The following B4GALT3 variants were observed in gnomAD, a reference collection of about 807,000 sequenced individuals.
B4GALT3 encodes beta-1,4-galactosyltransferase 3.
A neutral mutation model predicts 40.7 loss-of-function variants in B4GALT3; 29 were observed. The observed-to-expected ratio is 0.71, with a 90% CI of 0.53 to 0.97. The LOEUF is 0.97. B4GALT3 is among the 50% of genes least tolerant of loss of function. The pLI, the probability that B4GALT3 is intolerant of heterozygous loss-of-function variation, is 0.00. For synonymous variants in B4GALT3, 182 were observed against 203.9 expected, an observed-to-expected ratio of 0.89 and a Z score of 0.92; for missense variants, 390 against 522.3, an observed-to-expected ratio of 0.75 and a Z score of 2.47.
At position 161,174,140 on chromosome 1, in the gene B4GALT3, G is replaced by T. The variant is rs143067582; in HGVS notation, c.490-91C>A. ...ATAAAAGTGAAGGCCGGGCGCGGTGGCTTACGCCTGTAATCCCAGTACTTT... is the reference window on the plus strand; with the variant it reads ...ATAAAAGTGAAGGCCGGGCGCGGTGTCTTACGCCTGTAATCCCAGTACTTT... On this transcript the variant is annotated intron_variant, in intron 4 of 7. Coordinates refer to ENST00000319769, the MANE Select transcript of B4GALT3 (RefSeq NM_003779.4). The T allele has an allele frequency of 6.1e-4, 843 of 1,372,134 alleles. 15 individuals are homozygous for T. In the East Asian group the frequency reaches 0.019, roughly 31 times the overall value. The allele number at this position is 1,372,134 out of a possible 1,614,324, so 85.0% of individuals were successfully genotyped here. A position where few individuals can be genotyped will look rare whatever the true frequency, so the allele number is the denominator to read the frequency against.
In B4GALT3 at chr1:161,174,056, G is replaced by A. The variant is rs769132019; in HGVS notation, c.490-7C>T. 6.2e-7 allele frequency: 1 copy of A among 1,612,330 alleles called. No individual in the cohort carries two copies. The highest frequency in any genetic ancestry group is 1.1e-5 in the South Asian group (1 of 90,874). ...TAAATGTTCCATTTCCAGCCTGGAA[G>A]ATAATGGAGGGGAACCAGACTATGT... On this transcript the variant is annotated splice_region_variant and splice_polypyrimidine_tract_variant and intron_variant, in intron 4 of 7. Coordinates refer to ENST00000319769, the MANE Select transcript of B4GALT3 (RefSeq NM_003779.4).
rs1392092828 is a variant in B4GALT3, at chr1:161,171,837, T to C, written c.1161A>G (p.Thr387=). The C allele has an allele frequency of 1.1e-5, 18 of 1,613,948 alleles. No individual in the cohort carries two copies. Among genetic ancestry groups the C allele is most frequent in the African/African-American group, 2.7e-5 (2 of 74,898 alleles). The change falls in exon 8 of 8, where the codon ACA becomes ACG. Residue 387 remains threonine (T), a synonymous_variant. Transcript: ENST00000319769. ...RPGPLSTANH[T]ALRGSH is the part of the protein sequence containing the mutation. ...GGAGTCAGTGTGAACCTCGGAGGGC[T>C]GTGTGGTTGGCAGTAGATAGAGGCC...
chr1:161,171,623 C>T lies in B4GALT3; in HGVS notation c.*193G>A, dbSNP rs1661456752. 1 of 714,018 alleles carries T rather than the reference C, an allele frequency of 1.4e-6. No homozygotes were observed. Among genetic ancestry groups the T allele is most frequent in the Non-Finnish European group, 2.3e-6 (1 of 439,996 alleles). 44.2% of individuals were successfully genotyped at this position (714,018 alleles called of 1,614,324 possible). On this transcript the variant is annotated 3_prime_UTR_variant, in exon 8 of 8. Transcript: ENST00000319769. The stretch of plus-strand genomic sequence containing the variant: ...CACAGTCATAAGCCCTACAGGAGAC[C>T]CTAGAGAGAGGGACCCCTCAGGTCT...
At chr1:161,176,152 G>A (rs570799484) in intron 2 of B4GALT3, 78 bp from the exon 3 acceptor site, 7 of 1,475,684 alleles carry the variant, frequency 4.7e-6, no homozygotes, top group African/African-American at 1.4e-5. Flanking sequence ...TAGGGTTGAA[G>A]GTGATGCCAG....
At chr1:161,176,701 G>A in intron 1 of B4GALT3, 122 bp from the exon 2 acceptor site, 3 of 640,170 alleles carry the variant, frequency 4.7e-6, no homozygotes, top group Non-Finnish European at 8.1e-6. Context: ...AGGAGGAGCA[G>A]GAGATGGTAG....
intron 6 of B4GALT3, 89 bp from the exon 7 acceptor site, chr1:161,172,420 C>G (rs2101924813): frequency 1.7e-6 from 2 of 1,179,686 alleles, no homozygotes; most frequent in Non-Finnish European, 2.4e-6. Context: ...AAAAAAACAA[C>G]TATTACTTAG....
At chr1:161,173,551 G>A (rs367575811) in intron 6 of B4GALT3, 54 bp downstream of exon 6, 2 of 1,611,476 alleles carry the variant, frequency 1.2e-6, no homozygotes, top group African/African-American at 2.7e-5. Context: ...GGTGGTCTTA[G>A]AGGACAGGGA....
chr1:161,175,901 C>T lies in B4GALT3; in HGVS notation c.160G>A (p.Val54Ile), dbSNP rs143209896. The change falls in exon 3 of 8, where the codon GTC becomes ATC. Residue 54 changes from valine to isoleucine, a missense_variant. By Grantham distance (29) the Val-to-Ile change is conservative (BLOSUM62 3). Transcript: ENST00000319769. ...PTFDYSHPRD[V>I]YSNLSHLPGA... ...GGCAGGTGACTGAGGTTACTGTAGA[C>T]ATCACGAGGGTGAGAATAGTCAAAT... 6.8e-6 allele frequency: 11 copies of T among 1,614,044 alleles called. No homozygotes were observed. In the African/African-American group the frequency reaches 1.5e-4, roughly 22 times the overall value.
rs1663353596 is a variant in B4GALT3 at position 161,175,951 on chromosome 1, A to C, written c.110T>G (p.Leu37Arg). Residue 37 changes from leucine to arginine, a missense_variant, in exon 3 of 8, where the codon CTA (leucine) becomes CGA (arginine). This residue lies in a region of B4GALT3 where 183 missense variants were observed against 223.2 expected (regional missense o/e 0.82). Transcript: ENST00000319769. The stretch of plus-strand genomic sequence containing the variant: ...TGTCGGTCCCTGATCTCGGCCAAAT[A>C]GGGCACTGAGACTTCGGAAGCCCCC... Reference protein sequence around the residue: ...SLGGFRSLSALFGRDQGPTFD... With the variant: ...SLGGFRSLSARFGRDQGPTFD... 6.2e-7 allele frequency: 1 copy of C among 1,614,008 alleles called. No homozygotes were observed. Among genetic ancestry groups the C allele is most frequent in the Non-Finnish European group, 8.5e-7 (1 of 1,180,020 alleles).
chr1:161,173,524 GAAGGGCTATGGTCA>G, intron 6 of B4GALT3, 67 bp downstream of exon 6: 2 of 1,597,394 alleles, frequency 1.3e-6, no homozygotes, highest in Non-Finnish European at 1.7e-6. Flanking sequence ...GGTTAGTGTT[GAAGGGCTATGGTCA>G]AAGGTGGTCT....
intron 4 of B4GALT3, 81 bp from the exon 5 acceptor site, chr1:161,174,130 G>T: frequency 6.8e-7 from 1 of 1,460,142 alleles, no homozygotes; most frequent in Non-Finnish European, 9.3e-7. Context: ...AGTGAAGGCC[G>T]GGCGCGGTGG....
Position 161,175,004 on chromosome 1 carries a change from C to T in B4GALT3, c.478G>A (p.Val160Ile). The T allele has an allele frequency of 6.2e-7, 1 of 1,613,558 alleles. No homozygotes were observed. Among genetic ancestry groups the T allele is most frequent in the South Asian group, 1.1e-5 (1 of 91,042 alleles). Residue 160 changes from valine (V) to isoleucine (I), a missense_variant, in exon 4 of 8, where the codon GTC becomes ATC. Transcript: ENST00000319769. ...QRQQLAYGIY[V>I]IHQAGNGTFN... is the part of the protein sequence containing the mutation. Reference sequence around the variant, plus strand: ...GAGATTGGGGGTACCTGGTGGATGACATAGATGCCATAAGCAAGCTGCTGG... The same window carrying T: ...GAGATTGGGGGTACCTGGTGGATGATATAGATGCCATAAGCAAGCTGCTGG...
chr1:161,171,696 C>G lies in B4GALT3; in HGVS notation c.*120G>C. 3 of 1,418,600 alleles carry G rather than the reference C, an allele frequency of 2.1e-6. No homozygotes were observed. In the Admixed American group the frequency reaches 5.9e-5, roughly 28 times the overall value. 87.9% of individuals were successfully genotyped at this position (1,418,600 alleles called of 1,614,324 possible). A position where few individuals can be genotyped will look rare whatever the true frequency, so the allele number is the denominator to read the frequency against. ...GCAGTGAGGGAGAGGCCCCTACCCC[C>G]TAGCACGGCACCAGAGTTCAGTTCC... is the stretch of plus-strand genomic sequence containing the variant. On this transcript the variant is annotated 3_prime_UTR_variant, in exon 8 of 8. Transcript: ENST00000319769.
rs143618194 is a variant in B4GALT3, at chr1:161,171,846, GGCAGTA to G, written c.1146_1151del (p.Thr383_Ala384del). On this transcript the variant is annotated inframe_deletion, in exon 8 of 8. Transcript: ENST00000319769. ...GTGAACCTCGGAGGGCTGTGTGGTTGGCAGTAGATAGAGGCCCAGGCCTGGCTGGGG... is the reference window on the plus strand; with the variant it reads ...GTGAACCTCGGAGGGCTGTGTGGTTGGATAGAGGCCCAGGCCTGGCTGGGG... 61 of 1,614,182 alleles carry G rather than the reference GGCAGTA, an allele frequency of 3.8e-5. No homozygotes were observed. The East Asian group carries it at 1.3e-3, about 34-fold the overall frequency.
At chr1:161,176,641 G>A in intron 1 of B4GALT3, 62 bp from the exon 2 acceptor site, 1 of 586,522 alleles carries the variant, frequency 1.7e-6, no homozygotes. Context: ...GGATCAGGGT[G>A]AAGCTGGTTT....
At chr1:161,175,412 G>A (rs1049291468) in intron 3 of B4GALT3, among the ~76,000 whole-genome samples, 184 bp from the exon 4 acceptor site, 1 of 152,192 alleles carries the variant, frequency 6.6e-6, no homozygotes, top group South Asian at 2.1e-4. Context: ...GCTGGAAGGT[G>A]CAGGATCCTT....
At chr1:161,177,273 G>A (rs1236254964) in intron 1 of B4GALT3, 150 bp downstream of exon 1, 3 of 591,676 alleles carry the variant, frequency 5.1e-6, no homozygotes, top group East Asian at 2.8e-5. Flanking sequence ...TACTAGCAAC[G>A]TGAGCCCGCC....
At chr1:161,176,868 G>A (rs1663745426) in intron 1 of B4GALT3, 11 of 1,536,000 alleles carry the variant, frequency 7.2e-6, no homozygotes, top group Non-Finnish European at 9.6e-6. Flanking sequence ...CAGTTGAAGT[G>A]GCGACAGAGT....
At chr1:161,176,888 A>G in intron 1 of B4GALT3, 2 of 1,536,256 alleles carry the variant, frequency 1.3e-6, no homozygotes, top group Non-Finnish European at 8.7e-7. Flanking sequence ...TCATGACAGG[A>G]CCGTGGAGTG....
Sources: allele counts gnomAD v4.1 joint callset (sites outside exome capture counted in the v4.1 genomes callset), GRCh38; gene constraint gnomAD v4.1.1; regional missense constraint gnomAD v4.1.1; transcripts MANE v1.5; gene names NCBI Gene and HGNC (gene_info 2026-07-23, HGNC 2026-07-21).